The following DAB1 variants were observed in gnomAD, a reference collection of about 807,000 sequenced individuals.
DAB1 encodes disabled homolog 1.
In DAB1, 15 loss-of-function variants were observed where a neutral mutation model predicts 64.6. That is an observed-to-expected ratio of 0.23 (90% CI 0.16 to 0.36). The LOEUF (loss-of-function observed/expected upper bound fraction) is 0.36, where lower values mean the gene tolerates loss of function less well. Ranked by LOEUF, DAB1 falls within the 10% of genes least tolerant of loss-of-function variation. DAB1 has a pLI of 1.00. For missense variants in DAB1, 596 were observed against 706.7 expected, an observed-to-expected ratio of 0.84 and a Z score of 1.78; for synonymous variants, 235 against 251.9, an observed-to-expected ratio of 0.93 and a Z score of 0.64.
intron 12 of DAB1, among the ~76,000 whole-genome samples, 180 bp downstream of exon 12, chr1:57,014,703 T>A (rs1352193203): frequency 6.6e-6 from 1 of 152,182 alleles, no homozygotes; most frequent in South Asian, 2.1e-4. Flanking sequence ...ATGAAGAAGG[T>A]TTGTATGTTA....
At chr1:57,537,110 T>A (rs1479996701) in intron 7 of DAB1, among the ~76,000 whole-genome samples, 3 of 152,248 alleles carry the variant, frequency 2.0e-5, no homozygotes, top group African/African-American at 7.2e-5. Flanking sequence ...CTGTGTTAGA[T>A]AAAATACGTC....
At chr1:57,742,129 C>T (rs11576949) in intron 6 of DAB1, among the ~76,000 whole-genome samples, 6,454 of 152,080 alleles carry the variant, frequency 0.042, 180 homozygotes, top group Non-Finnish European at 0.064. Flanking sequence ...AGATGATAGC[C>T]ACTTGGAATA....
chr1:57,266,914 C>T (rs1221491867), intron 2 of DAB1, among the ~76,000 whole-genome samples: 2 of 152,108 alleles, frequency 1.3e-5, no homozygotes, highest in Non-Finnish European at 2.9e-5. Flanking sequence ...ATGGTATGGG[C>T]ACTGAACAAT....
chr1:58,239,093 G>A (rs1660177554), intron 4 of DAB1, among the ~76,000 whole-genome samples: 1 of 152,148 alleles, frequency 6.6e-6, no homozygotes, highest in East Asian at 1.9e-4. Flanking sequence ...CCGGAATGCT[G>A]TAGGTTACCC....
At chr1:57,337,429 G>C (rs1203524035) in intron 1 of DAB1, among the ~76,000 whole-genome samples, 1 of 152,084 alleles carries the variant, frequency 6.6e-6, no homozygotes, top group African/African-American at 2.4e-5. Flanking sequence ...TCTGCCCCAG[G>C]GATCACAAGA....
chr1:57,021,390 A>C (rs1646614079), intron 11 of DAB1, among the ~76,000 whole-genome samples: 1 of 152,130 alleles, frequency 6.6e-6, no homozygotes, highest in South Asian at 2.1e-4. Flanking sequence ...TCCCCACCCA[A>C]ATCTCACCTT....
chr1:58,428,812 A>C (rs1004988542), intron 3 of DAB1, among the ~76,000 whole-genome samples: 2 of 152,218 alleles, frequency 1.3e-5, no homozygotes, highest in Non-Finnish European at 2.9e-5. Context: ...AATTATCCAT[A>C]ATTTTTTAAG....
chr1:57,535,044 T>A (rs1346353416), intron 7 of DAB1, among the ~76,000 whole-genome samples: 4 of 152,154 alleles, frequency 2.6e-5, no homozygotes, highest in African/African-American at 9.7e-5. Flanking sequence ...CTCCTTTATA[T>A]CCTCAGGCTT....
chr1:57,829,314 G>C (rs907875932), intron 1 of DAB1, among the ~76,000 whole-genome samples: 3 of 152,200 alleles, frequency 2.0e-5, no homozygotes, highest in African/African-American at 7.2e-5. Context: ...TTTAGTGGTA[G>C]GTAGTCAGAA....
At chr1:58,510,327 C>T (rs962864086) in intron 2 of DAB1, among the ~76,000 whole-genome samples, 4 of 151,984 alleles carry the variant, frequency 2.6e-5, no homozygotes, top group Non-Finnish European at 5.9e-5. Context: ...TGGTTCAACA[C>T]ACAAAAATCA....
At position 57,986,955 on chromosome 1, in the gene DAB1, G is replaced by A. The variant is rs184628312; in HGVS notation, n.388-102793C>T. Among the ~76,000 whole-genome samples the A allele has an allele frequency of 2.8e-3, 429 of 152,188 alleles. 4 individuals are homozygous for A. The highest frequency in any genetic ancestry group is 9.6e-3 in the African/African-American group (398 of 41,532). On this transcript the variant is annotated intron_variant and non_coding_transcript_variant, in intron 5 of 20. Transcript: ENST00000485760. The stretch of plus-strand genomic sequence containing the variant: ...ACCCTTAATTCATAGGTAAGTATAC[G>A]AGGTCAGAGACTTTAAATGAATTGT...
intron 1 of DAB1, among the ~76,000 whole-genome samples, chr1:57,405,958 A>G (rs1174481022): frequency 6.6e-6 from 1 of 152,178 alleles, no homozygotes; most frequent in Non-Finnish European, 1.5e-5. Flanking sequence ...CATTGCTAAC[A>G]CTTGGTGACA....
At chr1:57,013,515 G>A (rs1646328297) in intron 12 of DAB1, among the ~76,000 whole-genome samples, 1 of 152,188 alleles carries the variant, frequency 6.6e-6, no homozygotes, top group South Asian at 2.1e-4. Context: ...TAGATCATAT[G>A]GCCTGAGTGC....
chr1:57,985,240 T>G (rs1214889194), intron 5 of DAB1, among the ~76,000 whole-genome samples: 1 of 152,166 alleles, frequency 6.6e-6, no homozygotes, highest in East Asian at 1.9e-4. Flanking sequence ...TCTAATCCTT[T>G]GTTTCTGTGT....
chr1:57,166,803 A>G (rs1661249375), intron 2 of DAB1, among the ~76,000 whole-genome samples: 1 of 152,186 alleles, frequency 6.6e-6, no homozygotes, highest in South Asian at 2.1e-4. Context: ...CACCCATCAT[A>G]AGTCAGGAAT....
At chr1:58,215,289 G>C (rs1018093522) in intron 4 of DAB1, among the ~76,000 whole-genome samples, 8 of 151,810 alleles carry the variant, frequency 5.3e-5, no homozygotes, top group African/African-American at 1.9e-4. Context: ...GCTCCTTCTT[G>C]TCATTCAGGT....
chr1:58,457,312 A>C (rs1394107620), intron 3 of DAB1, among the ~76,000 whole-genome samples: 4 of 152,302 alleles, frequency 2.6e-5, no homozygotes, highest in African/African-American at 9.6e-5. Flanking sequence ...CCCGAGAGTC[A>C]GACAGTGCTC....
chr1:57,720,901 C>A (rs752602449), intron 6 of DAB1, among the ~76,000 whole-genome samples: 1 of 152,156 alleles, frequency 6.6e-6, no homozygotes, highest in African/African-American at 2.4e-5. Context: ...TTGAAACACA[C>A]CTTGTATCAC....
At chr1:58,132,041 G>A (rs922813536) in intron 5 of DAB1, among the ~76,000 whole-genome samples, 1 of 152,132 alleles carries the variant, frequency 6.6e-6, no homozygotes, top group Non-Finnish European at 1.5e-5. Flanking sequence ...GCAATGGCGG[G>A]CGCCCCTCCC....
Sources: gnomAD v4.1 joint callset for allele counts (sites outside exome capture counted in the v4.1 genomes callset) on GRCh38, gnomAD v4.1.1 for gene constraint, MANE v1.5 for transcripts, NCBI Gene and HGNC (gene_info 2026-07-23, HGNC 2026-07-21) for gene names.